The following CDC14B variants were observed in gnomAD, a reference collection of about 807,000 sequenced individuals.
The protein encoded by CDC14B is cell division cycle 14B, also known as dual specificity protein phosphatase CDC14B.
CDC14B carries 22 observed loss-of-function variants against 64.2 expected under a neutral mutation model. The observed-to-expected ratio is 0.34, with a 90% CI of 0.24 to 0.49. The LOEUF (loss-of-function observed/expected upper bound fraction) is 0.49. Ranked by LOEUF, CDC14B falls within the 20% of genes least tolerant of loss-of-function variation. The pLI is 0.99. For missense variants in CDC14B, 498 were observed against 629.9 expected, an observed-to-expected ratio of 0.79 and a Z score of 2.24; for synonymous variants, 191 against 215.8, an observed-to-expected ratio of 0.89 and a Z score of 1.01.
chr9:96,497,640 A>T (rs763534678), downstream of CDC14B, among the ~76,000 whole-genome samples: 5 of 152,172 alleles, frequency 3.3e-5, no homozygotes, highest in Non-Finnish European at 7.3e-5. Context: ...GGCAGCGGCG[A>T]CTGTGCATTT....
rs537594447 is a variant in CDC14B at position 96,599,667 on chromosome 9, C to T, written c.160+19552G>A. ...TAGCTTCTTAGTGGTGATAAACATG[C>T]TACGGCAACATAAGATGCTTTCATT... On this transcript the variant is annotated intron_variant, in intron 1 of 13. Coordinates refer to ENST00000375241, the MANE Select transcript of CDC14B (RefSeq NM_033331.4). Among the ~76,000 whole-genome samples, 6 of 152,250 alleles carry T rather than the reference C, an allele frequency of 3.9e-5. No homozygotes were observed. The South Asian group carries it at 1.2e-3, about 32-fold the overall frequency.
intron 1 of CDC14B, among the ~76,000 whole-genome samples, chr9:96,590,887 T>C (rs1462010879): frequency 6.6e-6 from 1 of 152,148 alleles, no homozygotes; most frequent in Non-Finnish European, 1.5e-5. Context: ...TTTCATACGC[T>C]CATTGGTCAT....
intron 12 of CDC14B, among the ~76,000 whole-genome samples, chr9:96,516,800 A>AT (rs1328172313): frequency 6.6e-6 from 1 of 150,998 alleles, no homozygotes; most frequent in Non-Finnish European, 1.5e-5. Context: ...TATTTATTTA[A>AT]TTTTTTTTGA....
chr9:96,539,268 T>C (rs1460685227), intron 6 of CDC14B, 128 bp from the exon 7 acceptor site: 17 of 640,252 alleles, frequency 2.7e-5, no homozygotes, highest in Non-Finnish European at 4.8e-5. Context: ...TACTTTCCAC[T>C]GAACAGCTTT....
At chr9:96,567,466 G>A (rs1160373886) in intron 1 of CDC14B, among the ~76,000 whole-genome samples, 3 of 152,266 alleles carry the variant, frequency 2.0e-5, no homozygotes, top group African/African-American at 4.8e-5. Context: ...TATGGGAAAC[G>A]GGCATCTTCA....
At chr9:96,522,694 T>A (rs749091046) in intron 11 of CDC14B, 91 bp from the exon 12 acceptor site, 15 of 802,986 alleles carry the variant, frequency 1.9e-5, no homozygotes, top group Non-Finnish European at 3.2e-5. Context: ...ATGAACACAG[T>A]CCAAGTTTCT....
intron 1 of CDC14B, among the ~76,000 whole-genome samples, chr9:96,614,680 CAGACCTCTGACATTAAGG>C (rs956897921): frequency 6.6e-6 from 1 of 152,004 alleles, no homozygotes; most frequent in African/African-American, 2.4e-5. Context: ...GATAAAGATT[CAGACCTCTGACATTAAGG>C]AGGTTCATAG....
intron 4 of CDC14B, 184 bp downstream of exon 4, chr9:96,562,509 T>C (rs1843346347): frequency 5.1e-6 from 3 of 591,514 alleles, no homozygotes; most frequent in Non-Finnish European, 9.2e-6. Flanking sequence ...ACAGGAGATC[T>C]CTCATCTACC....
At chr9:96,563,836 CAA>C (rs1042902008) in intron 3 of CDC14B, among the ~76,000 whole-genome samples, 2 of 151,924 alleles carry the variant, frequency 1.3e-5, no homozygotes, top group African/African-American at 4.8e-5. Context: ...CTGCATGAAA[CAA>C]AAGATCTGCC....
At chr9:96,544,612 A>G (rs1840548845) in intron 5 of CDC14B, among the ~76,000 whole-genome samples, 1 of 152,080 alleles carries the variant, frequency 6.6e-6, no homozygotes. Flanking sequence ...CTCCCACCTC[A>G]GCCTCTGGAG....
At chr9:96,547,012 A>G (rs1841013136) in intron 5 of CDC14B, among the ~76,000 whole-genome samples, 1 of 151,962 alleles carries the variant, frequency 6.6e-6, no homozygotes, top group Non-Finnish European at 1.5e-5. Context: ...CCGTGAGCCA[A>G]GATCGTGCCA....
intron 5 of CDC14B, among the ~76,000 whole-genome samples, chr9:96,548,431 G>C (rs1190160903): frequency 6.6e-6 from 1 of 151,850 alleles, no homozygotes; most frequent in African/African-American, 2.4e-5. Flanking sequence ...TAATTATGCA[G>C]ACCAGACACA....
intron 1 of CDC14B, among the ~76,000 whole-genome samples, chr9:96,575,949 A>G (rs1336393251): frequency 6.6e-6 from 1 of 152,242 alleles, no homozygotes; most frequent in African/African-American, 2.4e-5. Flanking sequence ...GTTGCTAGGA[A>G]AAAAGAAAGT....
intron 13 of CDC14B, among the ~76,000 whole-genome samples, chr9:96,495,101 T>C (rs1183301179): frequency 6.6e-6 from 1 of 152,044 alleles, no homozygotes; most frequent in African/African-American, 2.4e-5. Context: ...CCCAAAGTGC[T>C]GGGATTACAG....
intron 1 of CDC14B, among the ~76,000 whole-genome samples, chr9:96,569,877 C>T (rs1400342352): frequency 6.6e-6 from 1 of 152,050 alleles, no homozygotes; most frequent in Admixed American, 6.5e-5. Context: ...CATGAGCCAC[C>T]GCGCCTGGCC....
At chr9:96,523,537 T>C in intron 10 of CDC14B, 50 bp downstream of exon 10, 2 of 1,610,890 alleles carry the variant, frequency 1.2e-6, no homozygotes, top group Non-Finnish European at 1.7e-6. Context: ...CCCCATCAGA[T>C]TCCAACCCCA....
intron 4 of CDC14B, among the ~76,000 whole-genome samples, chr9:96,552,317 G>A (rs16911237): frequency 6.6e-6 from 1 of 152,184 alleles, no homozygotes; most frequent in African/African-American, 2.4e-5. Flanking sequence ...TGTCCATGTA[G>A]GTGTGAGGGC....
At chr9:96,618,526 G>C (rs764313020) in intron 1 of CDC14B, 3 of 533,356 alleles carry the variant, frequency 5.6e-6, no homozygotes, top group East Asian at 5.4e-5. Context: ...TCTCAAAAGT[G>C]ACAACCCGGA....
chr9:96,521,189 C>T (rs2131512310), intron 12 of CDC14B, among the ~76,000 whole-genome samples: 1 of 152,256 alleles, frequency 6.6e-6, no homozygotes, highest in East Asian at 1.9e-4. Context: ...CCTGCCTCAC[C>T]CTCCCGAGTA....
Sources: allele counts gnomAD v4.1 joint callset (sites outside exome capture counted in the v4.1 genomes callset), GRCh38; gene constraint gnomAD v4.1.1; transcripts MANE v1.5; gene names NCBI Gene and HGNC (gene_info 2026-07-23, HGNC 2026-07-21).